Variants in HERC4 observed in about 807,000 individuals in gnomAD.
HERC4 encodes the protein probable E3 ubiquitin-protein ligase HERC4.
A neutral mutation model predicts 124.3 loss-of-function variants in HERC4; 28 were observed. That is an observed-to-expected ratio of 0.23 (90% CI 0.17 to 0.31). HERC4 has a LOEUF of 0.31. HERC4 is among the 10% of genes least tolerant of loss of function. The probability of loss-of-function intolerance (pLI) is 1.00; values close to 1 mark genes in which losing one functional copy is unlikely to be tolerated. For synonymous variants in HERC4, 407 were observed against 421.5 expected, an observed-to-expected ratio of 0.97 and a Z score of 0.42; for missense variants, 713 against 1,229.3, an observed-to-expected ratio of 0.58 and a Z score of 6.28.
intron 16 of HERC4, among the ~76,000 whole-genome samples, chr10:67,958,203 T>A (rs1368278872): frequency 6.6e-6 from 1 of 152,218 alleles, no homozygotes; most frequent in Non-Finnish European, 1.5e-5. Context: ...GTCCTAATCA[T>A]GCTCTCCCTA....
Position 67,922,911 on chromosome 10 carries a change from G to A in HERC4, c.*20C>T. On this transcript the variant is annotated 3_prime_UTR_variant, in exon 25 of 25. Transcript: ENST00000373700. ...TAGTTTAATGCTTTTGCACTAAACT[G>A]AATAGTTATAACTCCAAAGTTATAT... 1 of 1,523,774 alleles carries A rather than the reference G, an allele frequency of 6.6e-7. No individual in the cohort carries two copies. Among genetic ancestry groups the A allele is most frequent in the Non-Finnish European group, 9.0e-7 (1 of 1,110,808 alleles). The allele number at this position is 1,523,774 out of a possible 1,614,324, so 94.4% of individuals were successfully genotyped here.
At chr10:68,073,823 A>G (rs2041681122) in intron 1 of HERC4, 137 bp from the exon 2 acceptor site, 1 of 152,236 alleles carries the variant, frequency 6.6e-6, no homozygotes, top group Non-Finnish European at 1.5e-5. Context: ...ACCTCCAAAG[A>G]TCCCAGATTT....
At chr10:68,050,809 G>C (rs1315262984) in intron 3 of HERC4, among the ~76,000 whole-genome samples, 3 of 151,958 alleles carry the variant, frequency 2.0e-5, no homozygotes, top group East Asian at 1.9e-4. Context: ...CTCAAATCAA[G>C]ATGGCCTAAA....
At position 67,954,857 on chromosome 10, in the gene HERC4, A is replaced by G. The variant is rs1208863762; in HGVS notation, c.2193+106T>C. 3.3e-6 allele frequency: 4 copies of G among 1,210,652 alleles called. No homozygotes were observed. In the African/African-American group the frequency reaches 6.4e-5, roughly 19 times the overall value. 75.0% of individuals were successfully genotyped at this position (1,210,652 alleles called of 1,614,324 possible). A position where few individuals can be genotyped will look rare whatever the true frequency, so the allele number is the denominator to read the frequency against. On this transcript the variant is annotated intron_variant, in intron 18 of 24. Transcript: ENST00000373700. ...ACAATTAATAGTTTAAAATAAATAT[A>G]ATTTTATTTATTAAGTTTAAAAGAT...
At chr10:68,061,487 C>T (rs1431650493) in intron 3 of HERC4, among the ~76,000 whole-genome samples, 1 of 141,306 alleles carries the variant, frequency 7.1e-6, no homozygotes, top group African/African-American at 2.6e-5. Flanking sequence ...GAGCCGCAAT[C>T]GCGCCACTGC....
chr10:67,923,174 A>C (rs1374698347), intron 24 of HERC4, 35 bp from the exon 25 acceptor site: 1 of 1,529,306 alleles, frequency 6.5e-7, no homozygotes. Flanking sequence ...CAACCACTTC[A>C]AAACAAAAAG....
intron 3 of HERC4, among the ~76,000 whole-genome samples, chr10:68,060,340 C>A (rs2040939644): frequency 6.6e-6 from 1 of 152,076 alleles, no homozygotes; most frequent in African/African-American, 2.4e-5. Flanking sequence ...CGGGTTCAAG[C>A]AATTCTCCTG....
chr10:68,053,504 A>C (rs1420926246), intron 3 of HERC4, among the ~76,000 whole-genome samples: 2 of 151,834 alleles, frequency 1.3e-5, no homozygotes, highest in Non-Finnish European at 2.9e-5. Context: ...TGGTCTCCCT[A>C]TTTTGCCCAG....
intron 9 of HERC4, among the ~76,000 whole-genome samples, chr10:68,013,524 A>G (rs2038089620): frequency 6.6e-6 from 1 of 152,332 alleles, no homozygotes; most frequent in East Asian, 1.9e-4. Flanking sequence ...TACCTAGCCT[A>G]GTGTTAAGTC....
intron 16 of HERC4, among the ~76,000 whole-genome samples, chr10:67,964,091 A>AAT (rs2034701766): frequency 1.5e-5 from 2 of 129,260 alleles, no homozygotes; most frequent in Non-Finnish European, 3.2e-5. Flanking sequence ...CTACCACTCC[A>AAT]TTTTTTTTTT....
At chr10:68,010,574 G>T in intron 9 of HERC4, 1 of 1,111,158 alleles carries the variant, frequency 9.0e-7, no homozygotes, top group Non-Finnish European at 1.3e-6. Flanking sequence ...TCTCAATACT[G>T]GTTCGCTTTC....
At chr10:67,935,241 G>C (rs543660409) in intron 22 of HERC4, among the ~76,000 whole-genome samples, 1 of 152,026 alleles carries the variant, frequency 6.6e-6, no homozygotes, top group African/African-American at 2.4e-5. Flanking sequence ...TGCATCCTGG[G>C]TTCAAGAGAC....
intron 21 of HERC4, among the ~76,000 whole-genome samples, chr10:67,936,680 T>A (rs1480376929): frequency 1.3e-5 from 2 of 152,226 alleles, no homozygotes; most frequent in Non-Finnish European, 1.5e-5. Context: ...GTTTTTCCAG[T>A]TATGTACTAA....
At chr10:68,067,174 T>A (rs559680519) in intron 3 of HERC4, 1 of 152,732 alleles carries the variant, frequency 6.5e-6, no homozygotes, top group Non-Finnish European at 1.5e-5. Context: ...AAAGGAACCA[T>A]GAGTTATTGT....
At chr10:67,941,595 C>T (rs927242031) in intron 19 of HERC4, among the ~76,000 whole-genome samples, 5 of 150,074 alleles carry the variant, frequency 3.3e-5, no homozygotes, top group African/African-American at 7.3e-5. Context: ...ATTTTTAATA[C>T]ACCGTATTTA....
intron 9 of HERC4, among the ~76,000 whole-genome samples, chr10:68,005,553 G>A (rs1369868325): frequency 6.6e-6 from 1 of 151,974 alleles, no homozygotes; most frequent in Non-Finnish European, 1.5e-5. Flanking sequence ...TATTAATAAG[G>A]ACTTACTCCT....
intron 21 of HERC4, 73 bp from the exon 22 acceptor site, chr10:67,936,308 CTT>C (rs2032355940): frequency 1.2e-6 from 1 of 818,032 alleles, no homozygotes; most frequent in African/African-American, 1.8e-5. Flanking sequence ...TATATTCTAC[CTT>C]TCTCTCATTT....
At chr10:68,036,678 C>T (rs192414771) in intron 5 of HERC4, among the ~76,000 whole-genome samples, 1 of 152,174 alleles carries the variant, frequency 6.6e-6, no homozygotes, top group Non-Finnish European at 1.5e-5. Context: ...ACACCACTTT[C>T]TTAACTCTAT....
intron 9 of HERC4, among the ~76,000 whole-genome samples, chr10:67,998,928 C>T (rs1398880952): frequency 1.3e-5 from 2 of 152,140 alleles, no homozygotes; most frequent in South Asian, 2.1e-4. Context: ...TTAGTAGAAA[C>T]GGGGTTTCAC....
Sources: allele counts gnomAD v4.1 joint callset (sites outside exome capture counted in the v4.1 genomes callset), GRCh38; gene constraint gnomAD v4.1.1; transcripts MANE v1.5; gene names NCBI Gene and HGNC (gene_info 2026-07-23, HGNC 2026-07-21).